Variants in EPS15L1 observed in about 807,000 individuals in gnomAD.
EPS15L1 encodes epidermal growth factor receptor pathway substrate 15 like 1, also known as epidermal growth factor receptor substrate 15-like 1.
In EPS15L1, 43 loss-of-function variants were observed where a neutral mutation model predicts 117.1. The observed-to-expected ratio is 0.37, with a 90% confidence interval of 0.29 to 0.47. EPS15L1 has a LOEUF of 0.47. Among genes scored for constraint, EPS15L1 ranks in the 20% least tolerant of loss-of-function variants. EPS15L1 has a pLI of 0.99. For synonymous variants in EPS15L1, 459 were observed against 470.5 expected, an observed-to-expected ratio of 0.98 and a Z score of 0.32; for missense variants, 981 against 1,164.0, an observed-to-expected ratio of 0.84 and a Z score of 2.29.
At chr19:16,445,036 C>A (rs1030094245) in intron 1 of EPS15L1, among the ~76,000 whole-genome samples, 7 of 152,094 alleles carry the variant, frequency 4.6e-5, no homozygotes, top group African/African-American at 1.7e-4. Flanking sequence ...AGTTTTTTAA[C>A]AATCTCATGG....
chr19:16,417,419 C>A, intron 12 of EPS15L1, 133 bp downstream of exon 12: 2 of 744,180 alleles, frequency 2.7e-6, no homozygotes, highest in South Asian at 3.2e-5. Context: ...ACCTCAGAAG[C>A]TGTATCTTTT....
chr19:16,450,111 G>T (rs1322875694), intron 1 of EPS15L1, among the ~76,000 whole-genome samples: 1 of 152,004 alleles, frequency 6.6e-6, no homozygotes, highest in Non-Finnish European at 1.5e-5. Flanking sequence ...GCCACGCATG[G>T]TGGCACATGC....
intron 22 of EPS15L1, among the ~76,000 whole-genome samples, chr19:16,367,377 G>A (rs2092148022): frequency 6.6e-6 from 1 of 151,666 alleles, no homozygotes; most frequent in Non-Finnish European, 1.5e-5. Flanking sequence ...ACACAAAATA[G>A]AACTTATTTT....
chr19:16,453,169 A>C lies in EPS15L1; in HGVS notation c.34-10950T>G, dbSNP rs546058848. Among the ~76,000 whole-genome samples, 4 of 152,190 alleles carry C rather than the reference A, an allele frequency of 2.6e-5. No homozygotes were observed. In the East Asian group the frequency reaches 7.7e-4, roughly 29 times the overall value. On this transcript the variant is annotated intron_variant, in intron 1 of 23. Coordinates refer to ENST00000455140, the MANE Select transcript of EPS15L1 (RefSeq NM_001258374.3). ...GGCTAGAGTACAGTGGTGCCATCAT[A>C]GCTCACTGCAGCCTCAACCTCCTGG...
At chr19:16,400,496 TA>T in intron 16 of EPS15L1, 4 of 280,386 alleles carry the variant, frequency 1.4e-5, no homozygotes, top group Non-Finnish European at 2.2e-5. Flanking sequence ...CTCAGGGACC[TA>T]AAACCCCCAA....
intron 8 of EPS15L1, among the ~76,000 whole-genome samples, chr19:16,426,101 A>G (rs1270264615): frequency 1.3e-5 from 2 of 152,202 alleles, no homozygotes; most frequent in African/African-American, 4.8e-5. Flanking sequence ...AGGGAAAAAG[A>G]GCAACTGCCC....
intron 3 of EPS15L1, chr19:16,441,657 C>T: frequency 3.5e-6 from 1 of 288,072 alleles, no homozygotes; most frequent in South Asian, 1.0e-4. Flanking sequence ...AAAAAGTCCA[C>T]AAGCTATCAA....
intron 16 of EPS15L1, among the ~76,000 whole-genome samples, chr19:16,398,439 C>T (rs540765615): frequency 2.0e-4 from 31 of 152,194 alleles, no homozygotes; most frequent in South Asian, 2.1e-4. Context: ...AAGACACACA[C>T]GCCCAGCAAG....
chr19:16,442,253 G>T, intron 1 of EPS15L1, 34 bp from the exon 2 acceptor site: 1 of 1,596,288 alleles, frequency 6.3e-7, no homozygotes, highest in Non-Finnish European at 8.6e-7. Flanking sequence ...GGTCAAAAGT[G>T]AACACAACCC....
Position 16,441,955 on chromosome 19 carries a change from C to A in EPS15L1, c.102G>T (p.Val34=), listed in dbSNP as rs140810818. The change falls in exon 3 of 24, where the codon GTG becomes GTT. Residue 34 remains valine, a synonymous_variant. Coordinates refer to ENST00000455140, the MANE Select transcript of EPS15L1 (RefSeq NM_001258374.3). The part of the protein sequence containing the change: ...KQVDPAYTGR[V]GASEAALFLK... The stretch of plus-strand genomic sequence containing the variant: ...GAAAAAGCGCAGCTTCACTCGCCCC[C>A]ACCCTCCCTGTGTATGCCGGATCGA... 1 of 1,614,056 alleles carries A rather than the reference C, an allele frequency of 6.2e-7. No homozygotes were observed. The highest frequency in any genetic ancestry group is 1.1e-5 in the South Asian group (1 of 91,054).
chr19:16,463,460 G>T (rs1443859528), intron 1 of EPS15L1, among the ~76,000 whole-genome samples: 1 of 152,032 alleles, frequency 6.6e-6, no homozygotes, highest in Non-Finnish European at 1.5e-5. Flanking sequence ...CCATATCACA[G>T]AGACTGTCTC....
intron 1 of EPS15L1, among the ~76,000 whole-genome samples, chr19:16,461,255 G>A (rs1171367528): frequency 6.7e-6 from 1 of 148,582 alleles, no homozygotes; most frequent in Non-Finnish European, 1.5e-5. Context: ...AGTGAGCCGA[G>A]ATTGCGCCAC....
intron 1 of EPS15L1, among the ~76,000 whole-genome samples, chr19:16,462,956 C>T (rs946165806): frequency 2.0e-5 from 3 of 152,188 alleles, no homozygotes; most frequent in African/African-American, 7.2e-5. Flanking sequence ...CTGTGGGTGC[C>T]ACCTGACTTC....
chr19:16,417,658 G>C (rs746353451), intron 11 of EPS15L1, 21 bp from the exon 12 acceptor site: 103 of 1,605,376 alleles, frequency 6.4e-5, no homozygotes, highest in Non-Finnish European at 8.4e-5. Flanking sequence ...ATTCAGAGGC[G>C]AGATCTCTAA....
At chr19:16,401,761 A>T (rs2092603815) in intron 16 of EPS15L1, 3 of 985,716 alleles carry the variant, frequency 3.0e-6, no homozygotes, top group Non-Finnish European at 3.6e-6. Context: ...AGGTCAGAGT[A>T]AAGTGCAGAG....
At chr19:16,369,676 AGT>A (rs10543332) in intron 22 of EPS15L1, among the ~76,000 whole-genome samples, 56,701 of 145,938 alleles carry the variant, frequency 0.39, 10,763 homozygotes, top group South Asian at 0.54. Flanking sequence ...AAGAAAAAAA[AGT>A]GTGTGTGTGT....
chr19:16,419,440 CAGTG>C (rs928336176), intron 10 of EPS15L1, among the ~76,000 whole-genome samples: 8 of 151,452 alleles, frequency 5.3e-5, no homozygotes, highest in African/African-American at 1.9e-4. Flanking sequence ...GCCTGGGCAA[CAGTG>C]AGTCTCTGTC....
intron 19 of EPS15L1, 77 bp downstream of exon 19, chr19:16,392,225 AGG>A: frequency 2.0e-6 from 3 of 1,532,672 alleles, no homozygotes; most frequent in Non-Finnish European, 2.7e-6. Flanking sequence ...CACGAAGGGA[AGG>A]GGGCCTTCGG....
chr19:16,434,590 C>T, intron 6 of EPS15L1, 100 bp from the exon 7 acceptor site: 1 of 1,267,938 alleles, frequency 7.9e-7, no homozygotes, highest in South Asian at 1.4e-5. Context: ...GCCACGGACC[C>T]ATCATCACCC....
Sources: allele counts gnomAD v4.1 joint callset (sites outside exome capture counted in the v4.1 genomes callset), GRCh38; gene constraint gnomAD v4.1.1; transcripts MANE v1.5; gene names NCBI Gene and HGNC (gene_info 2026-07-23, HGNC 2026-07-21).